Variants in PPP6R2 observed in about 807,000 individuals in gnomAD.
PPP6R2 encodes serine/threonine-protein phosphatase 6 regulatory subunit 2.
PPP6R2 carries 62 observed loss-of-function variants against 100.2 expected under a neutral mutation model. The observed-to-expected ratio is 0.62, with a 90% CI of 0.50 to 0.76. The LOEUF is 0.76. Ranked by LOEUF, PPP6R2 falls within the 30% of genes least tolerant of loss-of-function variation. PPP6R2 has a pLI of 0.00. For synonymous variants in PPP6R2, 525 were observed against 514.7 expected, an observed-to-expected ratio of 1.02 and a Z score of -0.27; for missense variants, 1,142 against 1,276.3, an observed-to-expected ratio of 0.89 and a Z score of 1.60.
chr22:50,388,812 C>T (rs1382572149), intron 2 of PPP6R2, among the ~76,000 whole-genome samples: 6 of 150,590 alleles, frequency 4.0e-5, no homozygotes, highest in Non-Finnish European at 7.4e-5. Context: ...GCGGAAGTTG[C>T]GGTGACCTGA....
rs551106710 is a variant in PPP6R2, at chr22:50,440,318, C to T, written c.2374+269C>T. Among the ~76,000 whole-genome samples the T allele has an allele frequency of 2.4e-4, 36 of 152,364 alleles. No homozygotes were observed. In the East Asian group the frequency reaches 6.7e-3, roughly 29 times the overall value. On this transcript the variant is annotated intron_variant, in intron 21 of 23. Transcript: ENST00000612753. Reference sequence around the variant, plus strand: ...CAGCTCAGGTCTGCACCCTGGATTCCGGACAGCAGCACTGGGACCCCAGCA... The same window carrying T: ...CAGCTCAGGTCTGCACCCTGGATTCTGGACAGCAGCACTGGGACCCCAGCA...
At chr22:50,379,763 C>G (rs1367890753) in intron 2 of PPP6R2, among the ~76,000 whole-genome samples, 1 of 151,848 alleles carries the variant, frequency 6.6e-6, no homozygotes, top group East Asian at 1.9e-4. Flanking sequence ...TCCTGTAGTC[C>G]CAGATACTTA....
At position 50,437,911 on chromosome 22, in the gene PPP6R2, C is replaced by T. The variant is rs543457687; in HGVS notation, c.1839+11C>T. Reference sequence around the variant, plus strand: ...GCTGACGAGGACAGTGTGAGCAAGCCGGGCTGTGTGGGGTGCCGCCACCCT... The same window carrying T: ...GCTGACGAGGACAGTGTGAGCAAGCTGGGCTGTGTGGGGTGCCGCCACCCT... On this transcript the variant is annotated intron_variant, in intron 17 of 23. Coordinates refer to ENST00000612753, the MANE Select transcript of PPP6R2 (RefSeq NM_001242898.2). The T allele has an allele frequency of 3.0e-5, 47 of 1,558,688 alleles. No homozygotes were observed. The highest frequency in any genetic ancestry group is 2.2e-4 in the African/African-American group (16 of 73,404).
At position 50,438,158 on chromosome 22, in the gene PPP6R2, G is replaced by A; in HGVS notation, c.1840-16G>A. The A allele has an allele frequency of 1.2e-6, 2 of 1,604,568 alleles. No homozygotes were observed. Among genetic ancestry groups the A allele is most frequent in the South Asian group, 2.2e-5 (2 of 89,520 alleles). ...CCAGACCCTCTGGAAACTCACCTTG[G>A]CGTTTTACTCTGCAGCCCAGCGCAG... On this transcript the variant is annotated splice_polypyrimidine_tract_variant and intron_variant, in intron 17 of 23. Transcript: ENST00000612753.
At chr22:50,435,310 G>A (rs951927713) in intron 13 of PPP6R2, among the ~76,000 whole-genome samples, 6 of 152,234 alleles carry the variant, frequency 3.9e-5, no homozygotes, top group African/African-American at 1.4e-4. Context: ...CCTGCCAGGC[G>A]TCAGCGTGTG....
At chr22:50,403,696 C>A (rs1439040891) in intron 3 of PPP6R2, among the ~76,000 whole-genome samples, 2 of 152,210 alleles carry the variant, frequency 1.3e-5, no homozygotes, top group African/African-American at 2.4e-5. Flanking sequence ...GCCAGGTCCT[C>A]TCTCCCAAAC....
chr22:50,333,034 G>A, the PPP6R2 span, among the ~76,000 whole-genome samples: 267 of 152,162 alleles, frequency 1.8e-3, no homozygotes, highest in Non-Finnish European at 2.5e-3. Flanking sequence ...AGCTACTTGG[G>A]AGGCTGAAGC....
At chr22:50,419,271 G>A (rs182684645) in intron 7 of PPP6R2, 78 bp from the exon 8 acceptor site, 103 of 1,324,584 alleles carry the variant, frequency 7.8e-5, no homozygotes, top group Middle Eastern at 1.8e-4. Context: ...GGTCCTCCAC[G>A]GGGAGGAAGG....
chr22:50,420,498 CTGG>C, intron 8 of PPP6R2, among the ~76,000 whole-genome samples: 1 of 152,202 alleles, frequency 6.6e-6, no homozygotes, highest in Non-Finnish European at 1.5e-5. Context: ...GATATAGGTG[CTGG>C]AGACCCTTCT....
At position 50,393,924 on chromosome 22, in the gene PPP6R2, G is replaced by C; in HGVS notation, c.16G>C (p.Asp6His). 6.2e-7 allele frequency: 1 copy of C among 1,614,196 alleles called. No individual in the cohort carries two copies. Among genetic ancestry groups the C allele is most frequent in the East Asian group, 2.2e-5 (1 of 44,892 alleles). The change falls in exon 3 of 24, where the codon GAC (aspartate) becomes CAC (histidine). Residue 6 changes from aspartate (D) to histidine (H), a missense_variant. Asp to His is a moderately conservative substitution (Grantham distance 81, BLOSUM62 -1). This residue lies in a region of PPP6R2 where 592 missense variants were observed against 758.9 expected (regional missense o/e 0.78). Transcript: ENST00000612753. ...GGCCGTCACGATGTTCTGGAAGTTTGACTTGAACACCACGTCCCATGTTGA... is the reference window on the plus strand; with the variant it reads ...GGCCGTCACGATGTTCTGGAAGTTTCACTTGAACACCACGTCCCATGTTGA... MFWKF[D>H]LNTTSHVDKL...
intron 6 of PPP6R2, among the ~76,000 whole-genome samples, chr22:50,417,155 C>T (rs1397745737): frequency 1.3e-5 from 2 of 152,182 alleles, no homozygotes; most frequent in African/African-American, 4.8e-5. Context: ...CAGAGCTCCA[C>T]TGGGGTAGAG....
chr22:50,337,161 C>A, the PPP6R2 span, among the ~76,000 whole-genome samples: 1 of 137,138 alleles, frequency 7.3e-6, no homozygotes, highest in African/African-American at 2.8e-5. Context: ...TGTGTGTGTG[C>A]GATGTGTGGT....
At chr22:50,367,997 CAG>C (rs1321332478) in intron 1 of PPP6R2, among the ~76,000 whole-genome samples, 8 of 152,332 alleles carry the variant, frequency 5.3e-5, no homozygotes, top group South Asian at 2.1e-4. Flanking sequence ...GTCCACTGGA[CAG>C]GGGGCCGGCC....
intron 1 of PPP6R2, among the ~76,000 whole-genome samples, chr22:50,354,109 A>C (rs60352153): frequency 7.0e-4 from 106 of 152,128 alleles, no homozygotes; most frequent in African/African-American, 2.5e-3. Context: ...GTTTGAGACC[A>C]CCGTGGCCAA....
At chr22:50,433,264 T>C (rs1160648985) in intron 12 of PPP6R2, among the ~76,000 whole-genome samples, 294 of 90,906 alleles carry the variant, frequency 3.2e-3, no homozygotes, top group East Asian at 0.019. Context: ...GGGCATTTGC[T>C]CTGGAGGTGA....
intron 1 of PPP6R2, among the ~76,000 whole-genome samples, chr22:50,359,025 G>A (rs937879366): frequency 1.7e-5 from 2 of 115,492 alleles, no homozygotes; most frequent in African/African-American, 6.2e-5. Context: ...TTTTGAGACG[G>A]AGTCTCACCC....
intron 2 of PPP6R2, among the ~76,000 whole-genome samples, chr22:50,390,459 C>T (rs527829446): frequency 6.6e-6 from 1 of 152,116 alleles, no homozygotes; most frequent in Non-Finnish European, 1.5e-5. Context: ...TGCCAGAGAT[C>T]ATGAAGGACA....
intron 2 of PPP6R2, among the ~76,000 whole-genome samples, chr22:50,387,991 G>C (rs1392716153): frequency 4.6e-5 from 7 of 152,092 alleles, no homozygotes; most frequent in Non-Finnish European, 1.0e-4. Context: ...CTAGGACTTT[G>C]ATCATAAATC....
intron 1 of PPP6R2, among the ~76,000 whole-genome samples, chr22:50,344,540 CT>C (rs1233825579): frequency 3.1e-4 from 1 of 3,240 alleles, no homozygotes; most frequent in Non-Finnish European, 4.7e-4. Context: ...TCAGTGCCCC[CT>C]CCAGTCAATT....
Sources: gnomAD v4.1 joint callset for allele counts (sites outside exome capture counted in the v4.1 genomes callset) on GRCh38, gnomAD v4.1.1 for gene constraint, gnomAD v4.1.1 regional missense constraint, MANE v1.5 for transcripts, NCBI Gene and HGNC (gene_info 2026-07-23, HGNC 2026-07-21) for gene names.